The following PANK1 variants were observed in gnomAD, a reference collection of about 807,000 sequenced individuals.
The protein encoded by PANK1 is pantothenic acid kinase 1.
Under a neutral mutation model 40.1 loss-of-function variants are expected in PANK1, and 18 were observed. The ratio of observed to expected loss-of-function variants is 0.45; its 90% CI spans 0.31 to 0.67. The LOEUF (loss-of-function observed/expected upper bound fraction) is 0.67. Among genes scored for constraint, PANK1 ranks in the 30% least tolerant of loss-of-function variants. The pLI, the probability that PANK1 is intolerant of heterozygous loss-of-function variation, is 0.06. For missense variants in PANK1, 457 were observed against 599.6 expected, an observed-to-expected ratio of 0.76 and a Z score of 2.48; for synonymous variants, 242 against 237.7, an observed-to-expected ratio of 1.02 and a Z score of -0.17.
chr10:89,606,805 T>C (rs1466625301), intron 2 of PANK1, among the ~76,000 whole-genome samples: 1 of 152,236 alleles, frequency 6.6e-6, no homozygotes, highest in African/African-American at 2.4e-5. Flanking sequence ...ATTACAGGCA[T>C]GAGCCACAGG....
At chr10:89,631,035 C>T (rs199720910) in intron 1 of PANK1, among the ~76,000 whole-genome samples, 1 of 152,272 alleles carries the variant, frequency 6.6e-6, no homozygotes, top group East Asian at 1.9e-4. Context: ...CTGTATATAG[C>T]TGTTACACAA....
intron 1 of PANK1, among the ~76,000 whole-genome samples, chr10:89,640,420 C>T (rs1018853446): frequency 6.8e-6 from 1 of 147,930 alleles, no homozygotes; most frequent in Non-Finnish European, 1.5e-5. Flanking sequence ...CACACAAACA[C>T]ACACACGATT....
At chr10:89,627,242 A>AAT (rs993751794) in intron 1 of PANK1, among the ~76,000 whole-genome samples, 1 of 152,126 alleles carries the variant, frequency 6.6e-6, no homozygotes, top group Non-Finnish European at 1.5e-5. Flanking sequence ...AAAAAAAAAA[A>AAT]AAAATTCCAC....
chr10:89,615,623 G>A (rs1311238681), intron 1 of PANK1, among the ~76,000 whole-genome samples: 2 of 152,102 alleles, frequency 1.3e-5, no homozygotes, highest in African/African-American at 2.4e-5. Context: ...AGCTGGTCTC[G>A]AACTCCTGGA....
At position 89,609,071 on chromosome 10, in the gene PANK1, A is replaced by T. The variant is rs545143822; in HGVS notation, c.645+2625T>A. Among the ~76,000 whole-genome samples, 4 of 151,892 alleles carry T rather than the reference A, an allele frequency of 2.6e-5. No individual in the cohort carries two copies. In the South Asian group the frequency reaches 8.4e-4, roughly 32 times the overall value. ...TCACCATCTGATATATTCCATATTC[A>T]CTTTCTTTTTTGAGACAGAGTCTTA... On this transcript the variant is annotated intron_variant, in intron 2 of 6. Coordinates refer to ENST00000307534, the MANE Select transcript of PANK1 (RefSeq NM_148977.3).
intron 1 of PANK1, among the ~76,000 whole-genome samples, chr10:89,641,694 T>G (rs538043563): frequency 2.4e-4 from 36 of 151,812 alleles, no homozygotes; most frequent in African/African-American, 8.2e-4. Context: ...ATCGTGCCAC[T>G]GCACTCCAGC....
chr10:89,614,853 C>T (rs1296418947), intron 1 of PANK1, among the ~76,000 whole-genome samples: 1 of 151,788 alleles, frequency 6.6e-6, no homozygotes, highest in Admixed American at 6.6e-5. Flanking sequence ...CCCCAATCTT[C>T]TGTTAATAAG....
At chr10:89,601,309 TAAA>T (rs11317815) in intron 2 of PANK1, among the ~76,000 whole-genome samples, 31 of 52,656 alleles carry the variant, frequency 5.9e-4, no homozygotes, top group African/African-American at 2.4e-3. Context: ...ACCCATCTCT[TAAA>T]AAAAAAAAAA....
At chr10:89,642,343 C>A (rs1175587346) in intron 1 of PANK1, among the ~76,000 whole-genome samples, 1 of 152,208 alleles carries the variant, frequency 6.6e-6, no homozygotes, top group African/African-American at 2.4e-5. Flanking sequence ...ACATGCATTC[C>A]AGGTGCATTT....
chr10:89,621,234 G>A (rs1845475157), intron 1 of PANK1, among the ~76,000 whole-genome samples: 1 of 152,008 alleles, frequency 6.6e-6, no homozygotes, highest in Non-Finnish European at 1.5e-5. Flanking sequence ...CCGGGAGGTG[G>A]AGGTTGCAGT....
In PANK1 at chr10:89,611,682, C is replaced by T. The variant is rs1453261153; in HGVS notation, c.645+14G>A. 1.3e-6 allele frequency: 2 copies of T among 1,572,424 alleles called. No homozygotes were observed. The highest frequency in any genetic ancestry group is 1.8e-5 in the Admixed American group (1 of 55,710). On this transcript the variant is annotated intron_variant, in intron 2 of 6. Coordinates refer to ENST00000307534, the MANE Select transcript of PANK1 (RefSeq NM_148977.3). ...AGAGGTTTTGATGTTTTAACAAAGA[C>T]AAACCCGACCTACCATTCTGAAGTC...
chr10:89,629,191 T>G (rs1402677962), intron 1 of PANK1, among the ~76,000 whole-genome samples: 1 of 152,222 alleles, frequency 6.6e-6, no homozygotes, highest in African/African-American at 2.4e-5. Flanking sequence ...ACCTCTGACT[T>G]TATCTACTTC....
At chr10:89,584,875 C>T (rs1046283048) in intron 6 of PANK1, among the ~76,000 whole-genome samples, 1 of 152,214 alleles carries the variant, frequency 6.6e-6, no homozygotes, top group Non-Finnish European at 1.5e-5. Context: ...AGCTATATTT[C>T]ATGAGAGAAA....
At chr10:89,586,574 C>T (rs984778513) in intron 6 of PANK1, among the ~76,000 whole-genome samples, 7 of 152,276 alleles carry the variant, frequency 4.6e-5, no homozygotes, top group Non-Finnish European at 8.8e-5. Flanking sequence ...ATAGAGAGTT[C>T]TAAATAACTC....
At chr10:89,627,453 C>G (rs1845689716) in intron 1 of PANK1, among the ~76,000 whole-genome samples, 1 of 152,134 alleles carries the variant, frequency 6.6e-6, no homozygotes, top group Non-Finnish European at 1.5e-5. Context: ...TTTTGGTACC[C>G]ATGGGGGTCC....
In PANK1 at chr10:89,644,867, C is replaced by T; in HGVS notation, c.25G>A (p.Glu9Lys). The T allele has an allele frequency of 2.0e-6, 3 of 1,484,550 alleles. No individual in the cohort carries two copies. The highest frequency in any genetic ancestry group is 1.5e-5 in the African/African-American group (1 of 67,780). 92.0% of individuals were successfully genotyped at this position (1,484,550 alleles called of 1,614,324 possible). A position where few individuals can be genotyped will look rare whatever the true frequency, so the allele number is the denominator to read the frequency against. Residue 9 changes from glutamate to lysine, a missense_variant, in exon 1 of 7, where the codon GAG (glutamate) becomes AAG (lysine). Around this residue, in one of 4 missense-constraint regions of PANK1, gnomAD observed 144 missense variants for 131.2 expected, o/e 1.10. Coordinates refer to ENST00000307534, the MANE Select transcript of PANK1 (RefSeq NM_148977.3). ...CCTGGAGAGTGCGGGACCGAGCGCT[C>T]CTGCTGCCCGCTGCGGTCGCCCATG... Reference protein sequence around the residue: MGDRSGQQERSVPHSPGAP... With the variant: MGDRSGQQKRSVPHSPGAP...
At chr10:89,596,336 G>C (rs1288504548) in intron 3 of PANK1, among the ~76,000 whole-genome samples, 1 of 152,162 alleles carries the variant, frequency 6.6e-6, no homozygotes, top group African/African-American at 2.4e-5. Flanking sequence ...TCCAAAGGTA[G>C]GCAACTGAAG....
chr10:89,609,672 T>C (rs144087721), intron 2 of PANK1, among the ~76,000 whole-genome samples: 9 of 152,332 alleles, frequency 5.9e-5, no homozygotes, highest in African/African-American at 2.2e-4. Context: ...CTTTCACAGA[T>C]GGATGCCCAA....
intron 6 of PANK1, 75 bp from the exon 7 acceptor site, chr10:89,584,540 C>A: frequency 1.1e-6 from 1 of 911,864 alleles, no homozygotes; most frequent in Non-Finnish European, 1.8e-6. Flanking sequence ...TCTAGGAATG[C>A]CACTAATATC....
Sources: gnomAD v4.1 joint callset for allele counts (sites outside exome capture counted in the v4.1 genomes callset) on GRCh38, gnomAD v4.1.1 for gene constraint, gnomAD v4.1.1 regional missense constraint, MANE v1.5 for transcripts, NCBI Gene and HGNC (gene_info 2026-07-23, HGNC 2026-07-21) for gene names.